JOSD2: variants seen among roughly 807,000 people sequenced by gnomAD.
JOSD2 encodes the protein josephin-2.
A neutral mutation model predicts 19.3 loss-of-function variants in JOSD2; 20 were observed. The ratio of observed to expected loss-of-function variants is 1.04; its 90% CI spans 0.73 to 1.51. JOSD2 has a LOEUF of 1.51. JOSD2 is among the 40% of genes most tolerant of loss of function. The pLI, the probability that JOSD2 is intolerant of heterozygous loss-of-function variation, is 0.00. For synonymous variants in JOSD2, 118 were observed against 123.7 expected (o/e 0.95, Z 0.31); for missense variants, 215 against 250.4 (o/e 0.86, Z 0.95).
chr19:50,507,056 A>C, intron 3 of JOSD2, among the ~76,000 whole-genome samples: 3 of 138,126 alleles, frequency 2.2e-5, no homozygotes, highest in Admixed American at 7.2e-5. Flanking sequence ...TCAACCACCC[A>C]ACCACCATCA....
rs953571551 is a variant in JOSD2, at chr19:50,506,647, G to C, written c.273-75C>G. On this transcript the variant is annotated intron_variant, in intron 3 of 4. Coordinates refer to ENST00000598418, the MANE Select transcript of JOSD2 (RefSeq NM_001270639.2). ...GGTGAAATGTTGCTGAACATGTGGG[G>C]CCCAGGCTGGTGGTGGTGAGGGCCT... The C allele has an allele frequency of 3.4e-5, 46 of 1,366,538 alleles. 1 individual carries two copies. Among genetic ancestry groups the C allele is most frequent in the Non-Finnish European group, 3.8e-5 (39 of 1,023,484 alleles). 84.7% of individuals were successfully genotyped at this position (1,366,538 alleles called of 1,614,324 possible).
In JOSD2 at chr19:50,506,478, G is replaced by A. The variant is rs1162213405; in HGVS notation, c.367C>T (p.Arg123Trp). Residue 123 changes from arginine to tryptophan, a missense_variant, in exon 4 of 5, where the codon CGG becomes TGG. Arg to Trp is a moderately radical substitution (Grantham distance 101). Transcript: ENST00000598418. ...TGGCGCAGGGCCACCCAGTGCCGCC[G>A]GCGCAGCGGCAGTGACAGCAGCCCC... is the stretch of plus-strand genomic sequence containing the variant. ...SLGLLSLPLR[R>W]RHWVALRQVD... 2.0e-5 allele frequency: 31 copies of A among 1,573,258 alleles called. No homozygotes were observed. The highest frequency in any genetic ancestry group is 5.4e-5 in the African/African-American group (4 of 73,888).
chr19:50,511,184 C>A lies in JOSD2; in HGVS notation c.-85G>T, dbSNP rs1281320908. ...CCCCTTCCTGGGCGGCGGCTCTGGGCTCCGAGTGCGGGGCGGGCAACACCG... is the reference window on the plus strand; with the variant it reads ...CCCCTTCCTGGGCGGCGGCTCTGGGATCCGAGTGCGGGGCGGGCAACACCG... On this transcript the variant is annotated 5_prime_UTR_variant, in exon 1 of 5. Transcript: ENST00000598418. 1 of 439,728 alleles carries A rather than the reference C, an allele frequency of 2.3e-6. No individual in the cohort carries two copies. Among genetic ancestry groups the A allele is most frequent in the South Asian group, 1.6e-5 (1 of 63,512 alleles). The allele number at this position is 439,728 out of a possible 1,614,324, so 27.2% of individuals were successfully genotyped here. A position where few individuals can be genotyped will look rare whatever the true frequency, so the allele number is the denominator to read the frequency against.
chr19:50,510,397 G>A lies in JOSD2; in HGVS notation c.35C>T (p.Pro12Leu), dbSNP rs1351344781. The A allele has an allele frequency of 1.9e-6, 3 of 1,612,842 alleles. No homozygotes were observed. Among genetic ancestry groups the A allele is most frequent in the African/African-American group, 1.3e-5 (1 of 75,052 alleles). ...SQAPGAQPSP[P>L]TVYHERQRLE... ...GCGCTGCCGTTCGTGGTACACGGTGGGTGGGCTCGGCTGTGCTCCCGGGGC... is the reference window on the plus strand; with the variant it reads ...GCGCTGCCGTTCGTGGTACACGGTGAGTGGGCTCGGCTGTGCTCCCGGGGC... Residue 12 changes from proline (P) to leucine (L), a missense_variant, in exon 2 of 5, where the codon CCC (proline) becomes CTC (leucine). Pro to Leu is a moderately conservative substitution (Grantham distance 98). Transcript: ENST00000598418.
intron 1 of JOSD2, 85 bp from the exon 2 acceptor site, chr19:50,510,533 T>A: frequency 7.6e-7 from 1 of 1,316,970 alleles, no homozygotes; most frequent in Non-Finnish European, 1.0e-6. Context: ...GCATCGCCAT[T>A]GATTGAGCTG....
intron 4 of JOSD2, 53 bp from the exon 5 acceptor site, chr19:50,506,325 T>G: frequency 6.2e-7 from 1 of 1,607,668 alleles, no homozygotes; most frequent in Non-Finnish European, 8.5e-7. Context: ...GCATTCCGTC[T>G]GGGGAGTGGG....
intron 2 of JOSD2, among the ~76,000 whole-genome samples, chr19:50,509,353 A>G (rs944592270): frequency 6.6e-6 from 1 of 152,036 alleles, no homozygotes; most frequent in African/African-American, 2.4e-5. Context: ...TCAGCCTCCC[A>G]AAGTGTTGGG....
At chr19:50,508,043 C>G (rs1182192917) in intron 2 of JOSD2, 1 of 397,338 alleles carries the variant, frequency 2.5e-6, no homozygotes, top group East Asian at 5.6e-5. Context: ...CTCTCCTGCC[C>G]TGACTCTGCC....
At chr19:50,508,003 CCCTG>C in intron 2 of JOSD2, 1 of 460,530 alleles carries the variant, frequency 2.2e-6, no homozygotes, top group Admixed American at 3.5e-5. Context: ...GTCTCTCCTG[CCCTG>C]ACTCTGCCCT....
intron 3 of JOSD2, 47 bp from the exon 4 acceptor site, chr19:50,506,619 G>T: frequency 6.9e-7 from 1 of 1,447,808 alleles, no homozygotes. Flanking sequence ...TGCTCCGCCC[G>T]CCGGTGAAAT....
Position 50,506,083 on chromosome 19 carries a change from T to G in JOSD2, c.*90A>C. On this transcript the variant is annotated 3_prime_UTR_variant, in exon 5 of 5. Coordinates refer to ENST00000598418, the MANE Select transcript of JOSD2 (RefSeq NM_001270639.2). ...GGGGGCGGGGCCTCCCCAGGGTCCA[T>G]GAAGTGCTGGCCTTTCCCAGGCATG... 1 of 1,275,560 alleles carries G rather than the reference T, an allele frequency of 7.8e-7. No homozygotes were observed. Among genetic ancestry groups the G allele is most frequent in the Non-Finnish European group, 1.1e-6 (1 of 903,396 alleles). The allele number at this position is 1,275,560 out of a possible 1,614,324, so 79.0% of individuals were successfully genotyped here. A position where few individuals can be genotyped will look rare whatever the true frequency, so the allele number is the denominator to read the frequency against.
intron 1 of JOSD2, 40 bp from the exon 2 acceptor site, chr19:50,510,488 G>T: frequency 6.5e-7 from 1 of 1,533,878 alleles, no homozygotes; most frequent in Non-Finnish European, 8.8e-7. Context: ...AGGGGCCCGG[G>T]ATCTAGAGGT....
intron 2 of JOSD2, 107 bp downstream of exon 2, chr19:50,510,179 G>C: frequency 7.3e-7 from 1 of 1,366,694 alleles, no homozygotes; most frequent in Non-Finnish European, 1.0e-6. Context: ...AGTGAGCGCG[G>C]AGCAGAAGAA....
chr19:50,510,358 G>A lies in JOSD2; in HGVS notation c.74C>T (p.Ala25Val). 1 of 1,613,558 alleles carries A rather than the reference G, an allele frequency of 6.2e-7. No individual in the cohort carries two copies. The highest frequency in any genetic ancestry group is 8.5e-7 in the Non-Finnish European group (1 of 1,179,984). ...CAGAACGTTGTTGAGGGCGTGGACA[G>A]CACACAGCTCCAGGCGCTGCCGTTC... ...YHERQRLELC[A>V]VHALNNVLQQ... The change falls in exon 2 of 5, where the codon GCT becomes GTT. Residue 25 changes from alanine (A) to valine (V), a missense_variant. Transcript: ENST00000598418.
chr19:50,507,890 CCT>C, intron 2 of JOSD2, 191 bp from the exon 3 acceptor site: 1 of 684,430 alleles, frequency 1.5e-6, no homozygotes, highest in Non-Finnish European at 2.4e-6. Context: ...TCTCTCCTGC[CCT>C]GACTCTGCCC....
Position 50,510,399 on chromosome 19 carries a change from T to C in JOSD2, c.33A>G (p.Pro11=). The C allele has an allele frequency of 6.2e-7, 1 of 1,612,244 alleles. No homozygotes were observed. The highest frequency in any genetic ancestry group is 1.3e-5 in the African/African-American group (1 of 75,004). Reference sequence around the variant, plus strand: ...GCTGCCGTTCGTGGTACACGGTGGGTGGGCTCGGCTGTGCTCCCGGGGCCT... The same window carrying C: ...GCTGCCGTTCGTGGTACACGGTGGGCGGGCTCGGCTGTGCTCCCGGGGCCT... MSQAPGAQPS[P]PTVYHERQRL... is the part of the protein sequence containing the mutation. Residue 11 remains proline (P), a synonymous_variant, in exon 2 of 5, where the codon CCA becomes CCG. Transcript: ENST00000598418.
At chr19:50,507,499 GC>G in intron 3 of JOSD2, 74 bp downstream of exon 3, 4 of 1,463,202 alleles carry the variant, frequency 2.7e-6, no homozygotes, top group Non-Finnish European at 3.6e-6. Flanking sequence ...TCCCCTCCCT[GC>G]CCCCCAACAG....
In JOSD2 at chr19:50,506,110, A is replaced by G; in HGVS notation, c.*63T>C. ...AAGTGCTGGCCTTTCCCAGGCATGC[A>G]GTGTGCGCAGCCGGAGGGGGATGCG... On this transcript the variant is annotated 3_prime_UTR_variant, in exon 5 of 5. Transcript: ENST00000598418. 6.7e-7 allele frequency: 1 copy of G among 1,502,896 alleles called. No individual in the cohort carries two copies. 93.1% of individuals were successfully genotyped at this position (1,502,896 alleles called of 1,614,324 possible).
chr19:50,506,170 T>C lies in JOSD2; in HGVS notation c.*3A>G, dbSNP rs1237840173. 6 of 1,612,064 alleles carry C rather than the reference T, an allele frequency of 3.7e-6. No individual in the cohort carries two copies. The highest frequency in any genetic ancestry group is 1.7e-4 in the Middle Eastern group (1 of 6,000). ...CGCTGTGGGCGCCGATGGTCAGCCATGGTCAGTCTGTCCGCAGCCAGCTGC... is the reference window on the plus strand; with the variant it reads ...CGCTGTGGGCGCCGATGGTCAGCCACGGTCAGTCTGTCCGCAGCCAGCTGC... On this transcript the variant is annotated 3_prime_UTR_variant, in exon 5 of 5. Coordinates refer to ENST00000598418, the MANE Select transcript of JOSD2 (RefSeq NM_001270639.2).
Sources: gnomAD v4.1 joint callset for allele counts (sites outside exome capture counted in the v4.1 genomes callset) on GRCh38, gnomAD v4.1.1 for gene constraint, MANE v1.5 for transcripts, NCBI Gene and HGNC (gene_info 2026-07-23, HGNC 2026-07-21) for gene names.